The following NBAS variants were observed in gnomAD, a reference collection of about 807,000 sequenced individuals.
The protein encoded by NBAS is NAG/BC035112 fusion.
In NBAS, 219 loss-of-function variants were observed where a neutral mutation model predicts 302.5. The observed-to-expected ratio is 0.72, with a 90% CI of 0.65 to 0.81. The LOEUF is 0.81. NBAS is among the 30% of genes least tolerant of loss of function. NBAS has a pLI of 0.00. For synonymous variants in NBAS, 1,118 were observed against 1,021.6 expected, an observed-to-expected ratio of 1.09 and a Z score of -1.80; for missense variants, 2,932 against 2,841.6, an observed-to-expected ratio of 1.03 and a Z score of -0.72.
At chr2:15,399,330 C>T (rs1241825750) in intron 26 of NBAS, among the ~76,000 whole-genome samples, 1 of 152,100 alleles carries the variant, frequency 6.6e-6, no homozygotes, top group Non-Finnish European at 1.5e-5. Flanking sequence ...CTCGGAGGAA[C>T]CAGGGGCTTC....
intron 51 of NBAS, among the ~76,000 whole-genome samples, chr2:15,176,913 T>A (rs1664569044): frequency 6.6e-6 from 1 of 152,314 alleles, no homozygotes; most frequent in African/African-American, 2.4e-5. Flanking sequence ...GTTAAAAAAA[T>A]GTTTTTAAAA....
chr2:15,386,358 T>C (rs1173972944), intron 28 of NBAS, among the ~76,000 whole-genome samples: 1 of 152,234 alleles, frequency 6.6e-6, no homozygotes, highest in African/African-American at 2.4e-5. Flanking sequence ...GTGTTTTTAC[T>C]GCTGGATTTT....
chr2:15,069,353 G>A, the NBAS span, among the ~76,000 whole-genome samples: 1 of 152,200 alleles, frequency 6.6e-6, no homozygotes, highest in Non-Finnish European at 1.5e-5. Context: ...AAATTGTCAG[G>A]TTGCCCAGCA....
At chr2:15,211,980 C>T (rs1236737667) in intron 48 of NBAS, among the ~76,000 whole-genome samples, 1 of 152,180 alleles carries the variant, frequency 6.6e-6, no homozygotes, top group Admixed American at 6.5e-5. Flanking sequence ...GTGTCATTTG[C>T]CACAAAACTG....
intron 35 of NBAS, among the ~76,000 whole-genome samples, chr2:15,345,862 A>G (rs998541674): frequency 7.2e-5 from 11 of 152,308 alleles, no homozygotes; most frequent in Admixed American, 6.5e-4. Context: ...TGCATCTACA[A>G]CCATCTGATC....
the NBAS span, among the ~76,000 whole-genome samples, chr2:15,002,659 G>A: frequency 5.3e-5 from 8 of 152,248 alleles, no homozygotes; most frequent in Non-Finnish European, 1.0e-4. Flanking sequence ...ATGGCGGGCT[G>A]CAGGTCCCGA....
At chr2:15,298,412 T>C (rs1379586267) in intron 40 of NBAS, among the ~76,000 whole-genome samples, 1 of 151,822 alleles carries the variant, frequency 6.6e-6, no homozygotes. Context: ...AACACAGGAG[T>C]TGGCATCAAT....
At chr2:15,280,757 C>T (rs917597267) in intron 42 of NBAS, among the ~76,000 whole-genome samples, 3 of 152,182 alleles carry the variant, frequency 2.0e-5, no homozygotes, top group South Asian at 2.1e-4. Flanking sequence ...TATGAATCAA[C>T]GTGAATGATC....
chr2:15,403,862 T>TGTGTG (rs1676271637), intron 25 of NBAS, among the ~76,000 whole-genome samples: 1 of 134,866 alleles, frequency 7.4e-6, no homozygotes, highest in South Asian at 2.4e-4. Flanking sequence ...TTTTCCTTCC[T>TGTGTG]TCGTGTGTGT....
intron 44 of NBAS, among the ~76,000 whole-genome samples, chr2:15,254,036 A>G (rs1668475495): frequency 6.6e-6 from 1 of 152,192 alleles, no homozygotes; most frequent in African/African-American, 2.4e-5. Context: ...TGTAGACATA[A>G]GCAATTGCCA....
intron 16 of NBAS, among the ~76,000 whole-genome samples, chr2:15,472,411 C>T (rs1272857402): frequency 6.6e-6 from 1 of 152,128 alleles, no homozygotes; most frequent in Non-Finnish European, 1.5e-5. Context: ...GGGAAGCTTC[C>T]CAGACTGGAA....
chr2:15,187,727 G>A (rs1665155300), intron 49 of NBAS, among the ~76,000 whole-genome samples: 1 of 152,132 alleles, frequency 6.6e-6, no homozygotes, highest in South Asian at 2.1e-4. Flanking sequence ...TACTATTTAT[G>A]AAGAGTCTGT....
chr2:14,836,461 T>A, the NBAS span, among the ~76,000 whole-genome samples: 1 of 152,042 alleles, frequency 6.6e-6, no homozygotes, highest in East Asian at 1.9e-4. Flanking sequence ...TGATTTTGCA[T>A]ATATCTTGAA....
chr2:15,305,857 G>T (rs1416549462), intron 40 of NBAS, among the ~76,000 whole-genome samples: 1 of 152,176 alleles, frequency 6.6e-6, no homozygotes, highest in African/African-American at 2.4e-5. Flanking sequence ...CCTTAATAAA[G>T]ATGATATAGT....
the NBAS span, among the ~76,000 whole-genome samples, chr2:15,146,628 C>T: frequency 6.6e-6 from 1 of 152,094 alleles, no homozygotes; most frequent in Admixed American, 6.5e-5. Context: ...ACGTCCCAGG[C>T]ATTCACTAAG....
At chr2:15,214,555 T>G (rs1361236088) in intron 48 of NBAS, among the ~76,000 whole-genome samples, 1 of 152,238 alleles carries the variant, frequency 6.6e-6, no homozygotes, top group Non-Finnish European at 1.5e-5. Flanking sequence ...AATCTGTGAT[T>G]TCATGGCTAG....
At chr2:15,429,743 G>GTAC (rs1320801861) in intron 21 of NBAS, among the ~76,000 whole-genome samples, 1 of 152,168 alleles carries the variant, frequency 6.6e-6, no homozygotes, top group Non-Finnish European at 1.5e-5. Context: ...AGCAAACTAT[G>GTAC]TACCAGAGAT....
intron 9 of NBAS, among the ~76,000 whole-genome samples, chr2:15,514,998 T>C (rs1177573702): frequency 2.6e-5 from 4 of 152,152 alleles, no homozygotes; most frequent in African/African-American, 9.7e-5. Flanking sequence ...TCATGTGTTG[T>C]TCCAATCAGA....
the NBAS span, among the ~76,000 whole-genome samples, chr2:15,144,441 T>C: frequency 2.6e-5 from 4 of 152,202 alleles, no homozygotes; most frequent in Admixed American, 1.3e-4. Context: ...TGGCTTGTGT[T>C]TATTACTATT....
Sources: gnomAD v4.1 joint callset for allele counts (sites outside exome capture counted in the v4.1 genomes callset) on GRCh38, gnomAD v4.1.1 for gene constraint, MANE v1.5 for transcripts, NCBI Gene and HGNC (gene_info 2026-07-23, HGNC 2026-07-21) for gene names.